The following NPAS3 variants were observed in gnomAD, a reference collection of about 807,000 sequenced individuals.
The protein encoded by NPAS3 is neuronal PAS domain-containing protein 3.
A neutral mutation model predicts 73.1 loss-of-function variants in NPAS3; 14 were observed. The ratio of observed to expected loss-of-function variants is 0.19; its 90% CI spans 0.13 to 0.30. The LOEUF (loss-of-function observed/expected upper bound fraction) is 0.30, where lower values mean the gene tolerates loss of function less well. Ranked by LOEUF, NPAS3 falls within the 10% of genes least tolerant of loss-of-function variation. The pLI is 1.00. For missense variants in NPAS3, 1,096 were observed against 1,250.0 expected (o/e 0.88, Z 1.86); for synonymous variants, 620 against 541.5 (o/e 1.14, Z -2.01).
chr14:33,347,672 G>A (rs535724001), intron 3 of NPAS3, among the ~76,000 whole-genome samples: 2 of 152,042 alleles, frequency 1.3e-5, no homozygotes, highest in Non-Finnish European at 2.9e-5. Context: ...CAAAATCCTT[G>A]GATGCTCCAG....
At chr14:33,191,659 A>G (rs1466970659) in intron 2 of NPAS3, among the ~76,000 whole-genome samples, 1 of 152,186 alleles carries the variant, frequency 6.6e-6, no homozygotes, top group Non-Finnish European at 1.5e-5. Flanking sequence ...CAGAAATACT[A>G]TGTGAAATGT....
chr14:33,253,377 T>A (rs1363457637), intron 3 of NPAS3, among the ~76,000 whole-genome samples: 1 of 152,102 alleles, frequency 6.6e-6, no homozygotes. Flanking sequence ...GAACCAGAAT[T>A]AAAACTCTCA....
intron 3 of NPAS3, among the ~76,000 whole-genome samples, chr14:33,286,830 A>G (rs921849912): frequency 2.6e-5 from 4 of 152,194 alleles, no homozygotes; most frequent in South Asian, 2.1e-4. Flanking sequence ...AAGAAGATAG[A>G]AAAAGAAACA....
chr14:33,578,104 C>T (rs2056515299), intron 5 of NPAS3: 1 of 454,922 alleles, frequency 2.2e-6, no homozygotes, highest in Non-Finnish European at 4.4e-6. Context: ...TTACTGCTCA[C>T]AGATCCCTTT....
intron 2 of NPAS3, among the ~76,000 whole-genome samples, chr14:33,130,269 C>T (rs572764286): frequency 4.5e-4 from 69 of 152,184 alleles, no homozygotes; most frequent in African/African-American, 1.6e-3. Context: ...AAATAAGTTA[C>T]TCTCCCCCCT....
chr14:33,019,156 G>A (rs575273193), intron 1 of NPAS3, among the ~76,000 whole-genome samples: 24 of 152,084 alleles, frequency 1.6e-4, no homozygotes, highest in Non-Finnish European at 2.8e-4. Context: ...TGTTTGATTC[G>A]TACCTCGCCT....
At chr14:33,592,454 A>G (rs1177207013) in intron 5 of NPAS3, among the ~76,000 whole-genome samples, 1 of 152,162 alleles carries the variant, frequency 6.6e-6, no homozygotes, top group Non-Finnish European at 1.5e-5. Flanking sequence ...GTGTTGGATG[A>G]CTCAGTGCTT....
At chr14:33,332,808 C>G (rs1162601674) in intron 3 of NPAS3, among the ~76,000 whole-genome samples, 1 of 152,224 alleles carries the variant, frequency 6.6e-6, no homozygotes, top group Non-Finnish European at 1.5e-5. Context: ...GTTGGTCTAA[C>G]TGGCTCCTGA....
intron 1 of NPAS3, among the ~76,000 whole-genome samples, chr14:32,988,325 A>T (rs567901117): frequency 2.4e-4 from 36 of 152,344 alleles, no homozygotes; most frequent in Non-Finnish European, 4.4e-4. Flanking sequence ...GGAAAAGGAC[A>T]GTTTTCTTTA....
chr14:33,803,542 C>T (rs2063762566), downstream of NPAS3: 1 of 152,128 alleles, frequency 6.6e-6, no homozygotes, highest in African/African-American at 2.4e-5. Context: ...TCTACTCTAG[C>T]TATCGAACAA....
At chr14:33,484,911 G>A (rs2051507157) in intron 4 of NPAS3, among the ~76,000 whole-genome samples, 2 of 152,110 alleles carry the variant, frequency 1.3e-5, no homozygotes, top group South Asian at 4.1e-4. Context: ...TCATTTTCTT[G>A]TTCCCCTGAC....
intron 10 of NPAS3, among the ~76,000 whole-genome samples, chr14:33,794,267 C>A (rs1566549279): frequency 6.6e-6 from 1 of 152,214 alleles, no homozygotes; most frequent in Non-Finnish European, 1.5e-5. Context: ...GATTTTCAAT[C>A]ATTCTTGGTC....
intron 1 of NPAS3, among the ~76,000 whole-genome samples, chr14:32,963,845 A>T (rs141418072): frequency 6.6e-6 from 1 of 152,112 alleles, no homozygotes; most frequent in African/African-American, 2.4e-5. Context: ...GGCATGAATG[A>T]TCCTGATCCT....
intron 6 of NPAS3, among the ~76,000 whole-genome samples, chr14:33,677,725 A>G (rs2059809749): frequency 6.6e-6 from 1 of 152,068 alleles, no homozygotes; most frequent in Admixed American, 6.5e-5. Context: ...TATTCTTAGC[A>G]TTGGTGATCA....
chr14:33,396,013 C>T (rs574728913), intron 4 of NPAS3, among the ~76,000 whole-genome samples: 4 of 152,278 alleles, frequency 2.6e-5, no homozygotes, highest in Non-Finnish European at 4.4e-5. Context: ...CCCCCATTCC[C>T]TCCAGCCCCA....
chr14:33,008,677 A>G (rs1206738690), intron 1 of NPAS3, among the ~76,000 whole-genome samples: 1 of 152,228 alleles, frequency 6.6e-6, no homozygotes, highest in African/African-American at 2.4e-5. Context: ...AGGGTTTTAT[A>G]GGAAATATAA....
chr14:33,767,453 G>A (rs1003113499), intron 7 of NPAS3, among the ~76,000 whole-genome samples: 1 of 152,024 alleles, frequency 6.6e-6, no homozygotes, highest in Non-Finnish European at 1.5e-5. Context: ...TTGACGATCT[G>A]TATGCTAAAC....
At chr14:33,421,344 T>G (rs2048351966) in intron 4 of NPAS3, among the ~76,000 whole-genome samples, 1 of 151,926 alleles carries the variant, frequency 6.6e-6, no homozygotes, top group African/African-American at 2.4e-5. Flanking sequence ...TAAGAGCTAT[T>G]TTTCAACAAA....
chr14:33,022,438 G>C (rs952910289), intron 1 of NPAS3, among the ~76,000 whole-genome samples: 2 of 152,146 alleles, frequency 1.3e-5, no homozygotes, highest in African/African-American at 2.4e-5. Context: ...GCTGAGGCGG[G>C]CGGATCACGA....
Sources: allele counts gnomAD v4.1 joint callset (sites outside exome capture counted in the v4.1 genomes callset), GRCh38; gene constraint gnomAD v4.1.1; transcripts MANE v1.5; gene names NCBI Gene and HGNC (gene_info 2026-07-23, HGNC 2026-07-21).